Variants in EYA2 observed in about 807,000 individuals in gnomAD.
EYA2 encodes the protein EYA transcriptional coactivator and phosphatase 2, also known as protein phosphatase EYA2.
In EYA2, 31 loss-of-function variants were observed where a neutral mutation model predicts 69.2. The observed-to-expected ratio is 0.45, with a 90% CI of 0.34 to 0.60. The LOEUF (loss-of-function observed/expected upper bound fraction) is 0.60. Among genes scored for constraint, EYA2 ranks in the 20% least tolerant of loss-of-function variants. The probability of loss-of-function intolerance (pLI) is 0.02; values close to 1 mark genes in which losing one functional copy is unlikely to be tolerated. For synonymous variants in EYA2, 257 were observed against 279.4 expected (o/e 0.92, Z 0.80); for missense variants, 622 against 701.2 (o/e 0.89, Z 1.28).
At chr20:47,167,343 G>T (rs1322582330) in intron 10 of EYA2, among the ~76,000 whole-genome samples, 2 of 140,556 alleles carry the variant, frequency 1.4e-5, no homozygotes, top group Non-Finnish European at 3.0e-5. Flanking sequence ...GTGCAGTGGT[G>T]TGATCTCAGC....
At chr20:46,982,310 G>T (rs1407095139) in intron 1 of EYA2, among the ~76,000 whole-genome samples, 3 of 152,156 alleles carry the variant, frequency 2.0e-5, no homozygotes, top group South Asian at 4.1e-4. Context: ...CTGCTGAGAA[G>T]CTGCTTCTCA....
chr20:46,967,733 G>A (rs181929796), intron 1 of EYA2, among the ~76,000 whole-genome samples: 404 of 152,294 alleles, frequency 2.7e-3, no homozygotes, highest in Non-Finnish European at 4.2e-3. Flanking sequence ...ATGTGAAGCA[G>A]CTCACATGGC....
At chr20:47,173,928 C>T (rs73311587) in intron 12 of EYA2, among the ~76,000 whole-genome samples, 4,114 of 152,294 alleles carry the variant, frequency 0.027, 183 homozygotes, top group African/African-American at 0.094. Flanking sequence ...AGGAGAGACC[C>T]GCCCCCTGGC....
intron 5 of EYA2, among the ~76,000 whole-genome samples, chr20:47,033,016 C>A (rs1984505048): frequency 6.6e-6 from 1 of 152,200 alleles, no homozygotes; most frequent in African/African-American, 2.4e-5. Context: ...GGTCTCGCCA[C>A]ACTTTGCATC....
intron 9 of EYA2, among the ~76,000 whole-genome samples, chr20:47,124,740 G>C (rs1600726024): frequency 6.6e-6 from 1 of 152,234 alleles, no homozygotes; most frequent in East Asian, 1.9e-4. Context: ...CAAATCAGGA[G>C]AGTTGGTCAC....
rs527665749 is a variant in EYA2 at position 46,908,246 on chromosome 20, A to G, written c.-11+13259A>G. Among the ~76,000 whole-genome samples, 582 of 152,380 alleles carry G rather than the reference A, an allele frequency of 3.8e-3. 4 individuals are homozygous for G. The highest frequency in any genetic ancestry group is 0.014 in the African/African-American group (564 of 41,592). On this transcript the variant is annotated intron_variant, in intron 1 of 15. Coordinates refer to ENST00000327619, the MANE Select transcript of EYA2 (RefSeq NM_005244.5). The stretch of plus-strand genomic sequence containing the variant: ...GTTAAGTAGGAGAGAGAAAATAAAC[A>G]CATATGTATATAAGGTACGCAGAAT...
At chr20:47,081,246 A>T (rs978455279) in intron 7 of EYA2, among the ~76,000 whole-genome samples, 8 of 152,094 alleles carry the variant, frequency 5.3e-5, no homozygotes, top group Non-Finnish European at 8.8e-5. Context: ...TCAAGATGAG[A>T]TTTGATGGGG....
At chr20:47,141,071 T>C (rs1353242398) in intron 9 of EYA2, among the ~76,000 whole-genome samples, 1 of 152,212 alleles carries the variant, frequency 6.6e-6, no homozygotes, top group Admixed American at 6.5e-5. Context: ...CACTGCCACA[T>C]TGGAGATCAA....
In EYA2 at chr20:47,188,584, C is replaced by CT. The variant is rs2034695880; in HGVS notation, c.*451_*452insT. On this transcript the variant is annotated 3_prime_UTR_variant, in exon 16 of 16. Transcript: ENST00000327619. Reference sequence around the variant, plus strand: ...TTTTGAACTGGTATGTGGGGTGGTTCACAGTTCTAATGTAAGCACTCTATT... The same window carrying CT: ...TTTTGAACTGGTATGTGGGGTGGTTCTACAGTTCTAATGTAAGCACTCTATT... 1 of 422,336 alleles carries CT rather than the reference C, an allele frequency of 2.4e-6. No homozygotes were observed. The highest frequency in any genetic ancestry group is 2.0e-5 in the African/African-American group (1 of 49,844). 26.2% of individuals were successfully genotyped at this position (422,336 alleles called of 1,614,324 possible).
At chr20:46,937,041 T>A (rs1985940424) in intron 1 of EYA2, among the ~76,000 whole-genome samples, 1 of 152,182 alleles carries the variant, frequency 6.6e-6, no homozygotes, top group Admixed American at 6.5e-5. Context: ...TTTTAATCTA[T>A]AAGCCTTGCC....
intron 1 of EYA2, among the ~76,000 whole-genome samples, chr20:46,989,522 G>A (rs767155783): frequency 3.3e-5 from 5 of 151,992 alleles, no homozygotes; most frequent in Admixed American, 1.3e-4. Flanking sequence ...CCGCCTCAGC[G>A]TCCCAAAGTG....
At chr20:46,924,336 C>T (rs1985307568) in intron 1 of EYA2, among the ~76,000 whole-genome samples, 1 of 152,040 alleles carries the variant, frequency 6.6e-6, no homozygotes. Flanking sequence ...GACACTTTCC[C>T]GTCTGTGGTC....
chr20:47,113,417 A>G (rs1487649856), intron 9 of EYA2, among the ~76,000 whole-genome samples: 1 of 152,310 alleles, frequency 6.6e-6, no homozygotes, highest in East Asian at 1.9e-4. Flanking sequence ...CCCACCTCTC[A>G]GCTAAGCAGG....
chr20:46,931,241 T>G (rs144896377), intron 1 of EYA2, among the ~76,000 whole-genome samples: 59 of 152,312 alleles, frequency 3.9e-4, no homozygotes, highest in Middle Eastern at 3.4e-3. Flanking sequence ...AATACTGAAT[T>G]TAGAGAAGCA....
intron 8 of EYA2, 89 bp from the exon 9 acceptor site, chr20:47,096,996 T>G (rs2032265995): frequency 5.2e-6 from 5 of 958,026 alleles, no homozygotes; most frequent in Non-Finnish European, 8.1e-6. Flanking sequence ...CGAGACTTCT[T>G]TTCCTCCAAG....
intron 1 of EYA2, among the ~76,000 whole-genome samples, chr20:46,902,956 C>A (rs1291401560): frequency 3.3e-5 from 5 of 152,184 alleles, no homozygotes; most frequent in African/African-American, 1.2e-4. Context: ...TCCTTGTAGA[C>A]CAGAAATAAC....
At chr20:47,134,865 C>T (rs148313311) in intron 9 of EYA2, among the ~76,000 whole-genome samples, 3,414 of 152,134 alleles carry the variant, frequency 0.022, 120 homozygotes, top group East Asian at 0.089. Flanking sequence ...CAGTGGCTCA[C>T]GCCTGTAATC....
intron 1 of EYA2, among the ~76,000 whole-genome samples, chr20:46,951,879 C>T (rs934320575): frequency 6.6e-6 from 1 of 152,224 alleles, no homozygotes; most frequent in African/African-American, 2.4e-5. Context: ...TCAGAAGCAT[C>T]AGAGCCTCTC....
chr20:47,021,483 C>T (rs942945012), intron 5 of EYA2, among the ~76,000 whole-genome samples: 20 of 152,058 alleles, frequency 1.3e-4, no homozygotes, highest in African/African-American at 4.6e-4. Flanking sequence ...AAAAATTAGC[C>T]GGGTGTGGTG....
Sources: gnomAD v4.1 joint callset for allele counts (sites outside exome capture counted in the v4.1 genomes callset) on GRCh38, gnomAD v4.1.1 for gene constraint, MANE v1.5 for transcripts, NCBI Gene and HGNC (gene_info 2026-07-23, HGNC 2026-07-21) for gene names.